Variants in ZBTB20 observed in about 807,000 individuals in gnomAD.
ZBTB20 encodes zinc finger and BTB domain-containing protein 20.
Under a neutral mutation model 56.9 loss-of-function variants are expected in ZBTB20, and 9 were observed. That is an observed-to-expected ratio of 0.16 (90% CI 0.10 to 0.28). The LOEUF (loss-of-function observed/expected upper bound fraction) is 0.28. ZBTB20 is among the 10% of genes least tolerant of loss of function. ZBTB20 has a pLI of 1.00. For synonymous variants in ZBTB20, 417 were observed against 420.7 expected (o/e 0.99, Z 0.11); for missense variants, 655 against 1,003.0 (o/e 0.65, Z 4.69).
At chr3:115,053,076 T>C (rs2108444075) in intron 2 of ZBTB20, among the ~76,000 whole-genome samples, 1 of 152,246 alleles carries the variant, frequency 6.6e-6, no homozygotes, top group South Asian at 2.1e-4. Flanking sequence ...AGCTCCCCTT[T>C]CAAGAACAGT....
At chr3:114,871,885 T>C (rs2076024142) in intron 4 of ZBTB20, among the ~76,000 whole-genome samples, 3 of 152,148 alleles carry the variant, frequency 2.0e-5, no homozygotes, top group Admixed American at 2.0e-4. Context: ...AAACAACACA[T>C]AGGACCTTCA....
intron 2 of ZBTB20, among the ~76,000 whole-genome samples, chr3:115,026,863 T>C (rs2080447606): frequency 6.8e-6 from 1 of 147,214 alleles, no homozygotes; most frequent in Non-Finnish European, 1.5e-5. Context: ...AGTAACAATA[T>C]AAAAAAAAAA....
At chr3:114,732,758 T>G (rs961809183) in intron 5 of ZBTB20, among the ~76,000 whole-genome samples, 37 of 152,024 alleles carry the variant, frequency 2.4e-4, no homozygotes, top group Non-Finnish European at 4.9e-4. Context: ...GCTTGGGCAG[T>G]GGGGGATGGG....
At chr3:114,848,602 T>C (rs1172580557) in intron 4 of ZBTB20, among the ~76,000 whole-genome samples, 2 of 152,204 alleles carry the variant, frequency 1.3e-5, no homozygotes, top group East Asian at 1.9e-4. Context: ...TACATGTAGT[T>C]GTTTTTTCCC....
chr3:115,111,323 AAG>A (rs1480950906), intron 1 of ZBTB20, among the ~76,000 whole-genome samples: 11 of 152,114 alleles, frequency 7.2e-5, no homozygotes, highest in Non-Finnish European at 1.5e-4. Context: ...TAATTACAAA[AAG>A]AGTTATGAAA....
At chr3:114,809,361 T>G (rs1023636503) in intron 4 of ZBTB20, among the ~76,000 whole-genome samples, 11 of 152,164 alleles carry the variant, frequency 7.2e-5, no homozygotes, top group African/African-American at 2.7e-4. Context: ...GCTCATTTTT[T>G]CATTGTTCTT....
chr3:114,416,180 G>A (rs1224526117), intron 7 of ZBTB20, among the ~76,000 whole-genome samples: 1 of 151,904 alleles, frequency 6.6e-6, no homozygotes, highest in East Asian at 1.9e-4. Flanking sequence ...GGATTTAGGT[G>A]GCAATCACAT....
intron 6 of ZBTB20, among the ~76,000 whole-genome samples, chr3:114,671,538 C>T (rs189850372): frequency 6.6e-6 from 1 of 151,954 alleles, no homozygotes; most frequent in African/African-American, 2.4e-5. Context: ...ATTATATTTT[C>T]CAAATGTATC....
At chr3:114,772,615 T>TA (rs989920557) in intron 5 of ZBTB20, among the ~76,000 whole-genome samples, 10 of 152,034 alleles carry the variant, frequency 6.6e-5, no homozygotes, top group Non-Finnish European at 5.9e-5. Context: ...ACATATATAT[T>TA]AAAAAAATCT....
intron 1 of ZBTB20, among the ~76,000 whole-genome samples, chr3:115,094,854 T>A (rs993070234): frequency 6.6e-6 from 1 of 152,044 alleles, no homozygotes; most frequent in African/African-American, 2.4e-5. Flanking sequence ...ATAACAAAAA[T>A]AGTACTACTA....
rs61714991 is a variant in ZBTB20, at chr3:114,576,501, C to CAAAAAAAAAA, written c.-294-76120_-294-76111dup. On this transcript the variant is annotated intron_variant, in intron 6 of 11. Transcript: ENST00000675478. ...TGGGTGACAGAGCAAGACTCCGTCT[C>CAAAAAAAAAA]AAAAAAAAAAAAAAAAAAAAAAAAA... Among the ~76,000 whole-genome samples, 10 of 24,112 alleles carry CAAAAAAAAAA rather than the reference C, an allele frequency of 4.1e-4. 2 individuals are homozygous for CAAAAAAAAAA. The highest frequency in any genetic ancestry group is 4.6e-4 in the Non-Finnish European group (6 of 12,988). The allele number at this position is 24,112 out of a possible 152,430, so 15.8% of individuals were successfully genotyped here. A position where few individuals can be genotyped will look rare whatever the true frequency, so the allele number is the denominator to read the frequency against.
At chr3:114,467,679 T>G (rs1185553949) in intron 7 of ZBTB20, among the ~76,000 whole-genome samples, 1 of 152,236 alleles carries the variant, frequency 6.6e-6, no homozygotes, top group African/African-American at 2.4e-5. Flanking sequence ...GGAAAAATGT[T>G]GGCATTATTA....
At chr3:114,369,427 A>G (rs2722009) in intron 10 of ZBTB20, among the ~76,000 whole-genome samples, 1 of 152,218 alleles carries the variant, frequency 6.6e-6, no homozygotes, top group African/African-American at 2.4e-5. Context: ...TTGTGAAATT[A>G]TAAAGACTCA....
intron 2 of ZBTB20, among the ~76,000 whole-genome samples, chr3:115,006,634 T>C (rs550198076): frequency 6.6e-6 from 1 of 151,782 alleles, no homozygotes; most frequent in South Asian, 2.1e-4. Flanking sequence ...AAGAATCATA[T>C]AACCGTAGCA....
chr3:114,951,085 G>A (rs2077050885), intron 3 of ZBTB20, among the ~76,000 whole-genome samples: 1 of 151,894 alleles, frequency 6.6e-6, no homozygotes, highest in Non-Finnish European at 1.5e-5. Context: ...TTTTTTTATT[G>A]GTCTGGTGCT....
chr3:114,507,079 A>G (rs2044708959), intron 6 of ZBTB20, among the ~76,000 whole-genome samples: 2 of 152,186 alleles, frequency 1.3e-5, no homozygotes, highest in Admixed American at 1.3e-4. Context: ...GGTCAAGGAA[A>G]AGTTAATTTT....
At chr3:114,433,236 C>T (rs2090251357) in intron 7 of ZBTB20, among the ~76,000 whole-genome samples, 1 of 152,150 alleles carries the variant, frequency 6.6e-6, no homozygotes, top group South Asian at 2.1e-4. Flanking sequence ...TCAGGAACCA[C>T]TTGGAATGAA....
At chr3:114,947,885 GA>G (rs543976503) in intron 3 of ZBTB20, among the ~76,000 whole-genome samples, 8 of 142,034 alleles carry the variant, frequency 5.6e-5, no homozygotes, top group Admixed American at 1.4e-4. Context: ...AAAATTTAAT[GA>G]AAAAAAAATA....
chr3:114,923,535 C>T (rs1483202600), intron 3 of ZBTB20, among the ~76,000 whole-genome samples: 1 of 152,126 alleles, frequency 6.6e-6, no homozygotes, highest in African/African-American at 2.4e-5. Context: ...AAGAATAAGA[C>T]TGGATCCTTG....
Sources: gnomAD v4.1 joint callset for allele counts (sites outside exome capture counted in the v4.1 genomes callset) on GRCh38, gnomAD v4.1.1 for gene constraint, MANE v1.5 for transcripts, NCBI Gene and HGNC (gene_info 2026-07-23, HGNC 2026-07-21) for gene names.